CNTNAP3: variants seen among roughly 807,000 people sequenced by gnomAD.
CNTNAP3 encodes the protein contactin associated protein family member 3, also known as contactin-associated protein-like 3.
Under a neutral mutation model 92.1 loss-of-function variants are expected in CNTNAP3, and 36 were observed. The ratio of observed to expected loss-of-function variants is 0.39; its 90% CI spans 0.30 to 0.52. The LOEUF (loss-of-function observed/expected upper bound fraction) is 0.52. CNTNAP3 is among the 20% of genes least tolerant of loss of function. CNTNAP3 has a pLI of 0.76. For synonymous variants in CNTNAP3, 232 were observed against 422.3 expected (o/e 0.55, Z 5.53); for missense variants, 534 against 1,069.6 (o/e 0.50, Z 6.98).
At chr9:39,123,842 C>A (rs1181061586) in intron 13 of CNTNAP3, among the ~76,000 whole-genome samples, 2 of 151,082 alleles carry the variant, frequency 1.3e-5, no homozygotes, top group Non-Finnish European at 3.0e-5. Flanking sequence ...GTAAAATTAT[C>A]CTAAATAGTA....
intron 13 of CNTNAP3, among the ~76,000 whole-genome samples, chr9:39,121,120 T>C (rs1182110571): frequency 6.6e-6 from 1 of 150,696 alleles, no homozygotes; most frequent in East Asian, 1.9e-4. Flanking sequence ...AAGTTAGACG[T>C]TGGCAGAATC....
At chr9:39,137,083 CT>C (rs1425735475) in intron 12 of CNTNAP3, among the ~76,000 whole-genome samples, 1 of 151,448 alleles carries the variant, frequency 6.6e-6, no homozygotes, top group African/African-American at 2.4e-5. Context: ...CTGTTCCTTT[CT>C]TTCTTTCTTC....
chr9:39,097,240 C>T (rs2778229), intron 18 of CNTNAP3, among the ~76,000 whole-genome samples: 1 of 152,136 alleles, frequency 6.6e-6, no homozygotes, highest in African/African-American at 2.4e-5. Flanking sequence ...ACTTATCCAT[C>T]CTCTGTTCCA....
intron 13 of CNTNAP3, among the ~76,000 whole-genome samples, chr9:39,127,538 C>A (rs1262216011): frequency 6.6e-6 from 1 of 151,974 alleles, no homozygotes; most frequent in African/African-American, 2.4e-5. Flanking sequence ...CTGACAGAGA[C>A]AAAAACAGAT....
At chr9:39,138,389 T>C (rs1349357706) in intron 12 of CNTNAP3, among the ~76,000 whole-genome samples, 1 of 145,898 alleles carries the variant, frequency 6.9e-6, no homozygotes. Flanking sequence ...CACCCTTACT[T>C]GGGGACAGGA....
chr9:39,120,013 A>C (rs1165539286), intron 13 of CNTNAP3, among the ~76,000 whole-genome samples: 2 of 152,220 alleles, frequency 1.3e-5, no homozygotes, highest in Non-Finnish European at 2.9e-5. Flanking sequence ...AAGAGAGAAG[A>C]AAGTGTGCTG....
At chr9:39,082,022 GC>G (rs1346439183) in intron 21 of CNTNAP3, among the ~76,000 whole-genome samples, 6 of 150,214 alleles carry the variant, frequency 4.0e-5, no homozygotes, top group Non-Finnish European at 8.8e-5. Flanking sequence ...GGGAGGCAGA[GC>G]TTGCAGTGAG....
At chr9:39,130,325 A>G (rs1180765917) in intron 13 of CNTNAP3, among the ~76,000 whole-genome samples, 1 of 152,046 alleles carries the variant, frequency 6.6e-6, no homozygotes, top group Non-Finnish European at 1.5e-5. Context: ...CAAATTACTG[A>G]TATACACAAT....
chr9:39,088,802 AG>A (rs1587700880), intron 18 of CNTNAP3, among the ~76,000 whole-genome samples, 155 bp from the exon 19 acceptor site: 2 of 152,030 alleles, frequency 1.3e-5, no homozygotes, highest in African/African-American at 4.8e-5. Flanking sequence ...CACTTTTTAA[AG>A]TTTTTTAAAA....
Position 39,070,512 on chromosome 9 carries a change from GA to G in CNTNAP3, c.*3377del. ...AGTAGAAGGATGGTTAGTAAAGGCT[GA>G]AAAAAGTAGTAGACAGCTGAGATAA... On this transcript the variant is annotated 3_prime_UTR_variant, in exon 24 of 24. Coordinates refer to ENST00000297668, the MANE Select transcript of CNTNAP3 (RefSeq NM_033655.5). 6.8e-6 allele frequency among the ~76,000 whole-genome samples: 1 copy of G among 147,760 alleles called. No individual in the cohort carries two copies. The highest frequency in any genetic ancestry group is 2.0e-4 in the East Asian group (1 of 5,040).
At chr9:39,147,844 T>C (rs930516886) in intron 10 of CNTNAP3, among the ~76,000 whole-genome samples, 1 of 152,196 alleles carries the variant, frequency 6.6e-6, no homozygotes, top group African/African-American at 2.4e-5. Flanking sequence ...ACATGGATCA[T>C]CTCTGAAAAG....
chr9:39,139,415 T>C (rs2118085026), intron 12 of CNTNAP3, among the ~76,000 whole-genome samples: 1 of 152,358 alleles, frequency 6.6e-6, no homozygotes. Context: ...CTTCAGCACA[T>C]TGCTGTGCAG....
At chr9:39,113,790 A>G (rs1292336131) in intron 14 of CNTNAP3, among the ~76,000 whole-genome samples, 3 of 151,648 alleles carry the variant, frequency 2.0e-5, no homozygotes, top group Non-Finnish European at 2.9e-5. Flanking sequence ...AATACATTCT[A>G]TAAAGAAATA....
At chr9:39,081,849 T>C (rs796266263) in intron 21 of CNTNAP3, among the ~76,000 whole-genome samples, 30,792 of 145,218 alleles carry the variant, frequency 0.21, 3,483 homozygotes, top group East Asian at 0.34. Context: ...GAGGCCGAGG[T>C]GGGCGGATGA....
At chr9:39,131,682 C>T (rs894685447) in intron 13 of CNTNAP3, among the ~76,000 whole-genome samples, 1 of 152,182 alleles carries the variant, frequency 6.6e-6, no homozygotes, top group African/African-American at 2.4e-5. Context: ...AAAAATTAGC[C>T]GGGCATGGCG....
intron 21 of CNTNAP3, among the ~76,000 whole-genome samples, chr9:39,080,284 C>G (rs1401374174): frequency 4.3e-5 from 6 of 139,056 alleles, no homozygotes; most frequent in African/African-American, 1.7e-4. Flanking sequence ...AATATCTAAT[C>G]ACCTTTCTCA....
intron 11 of CNTNAP3, 74 bp from the exon 12 acceptor site, chr9:39,140,712 T>C: frequency 3.3e-6 from 5 of 1,502,494 alleles, no homozygotes; most frequent in Non-Finnish European, 3.5e-6. Context: ...AAGGTTTGCA[T>C]TTCTGAATTA....
At chr9:39,146,776 AT>A (rs1821712379) in intron 10 of CNTNAP3, among the ~76,000 whole-genome samples, 1 of 152,190 alleles carries the variant, frequency 6.6e-6, no homozygotes, top group Non-Finnish European at 1.5e-5. Flanking sequence ...GCCCATTGCT[AT>A]TTTTTGTGTA....
chr9:39,150,311 AGTG>A (rs1821813785), intron 9 of CNTNAP3, among the ~76,000 whole-genome samples: 1 of 139,258 alleles, frequency 7.2e-6, no homozygotes. Context: ...ATGTAGTGTA[AGTG>A]AAAAAAATTA....
Sources: allele counts gnomAD v4.1 joint callset (sites outside exome capture counted in the v4.1 genomes callset), GRCh38; gene constraint gnomAD v4.1.1; transcripts MANE v1.5; gene names NCBI Gene and HGNC (gene_info 2026-07-23, HGNC 2026-07-21).